TLE1: variants seen among roughly 807,000 people sequenced by gnomAD.
The protein encoded by TLE1 is transducin-like enhancer protein 1.
Under a neutral mutation model 89.8 loss-of-function variants are expected in TLE1, and 21 were observed. The observed-to-expected ratio is 0.23, with a 90% confidence interval of 0.17 to 0.34. The LOEUF (loss-of-function observed/expected upper bound fraction) is 0.34. TLE1 is among the 10% of genes least tolerant of loss of function. The pLI, the probability that TLE1 is intolerant of heterozygous loss-of-function variation, is 1.00. For missense variants in TLE1, 795 were observed against 1,031.2 expected, an observed-to-expected ratio of 0.77 and a Z score of 3.14; for synonymous variants, 447 against 407.6, an observed-to-expected ratio of 1.10 and a Z score of -1.16.
Position 81,616,667 on chromosome 9 carries a change from T to G in TLE1, c.744A>C (p.Leu248Phe). 1 of 1,614,118 alleles carries G rather than the reference T, an allele frequency of 6.2e-7. No individual in the cohort carries two copies. The highest frequency in any genetic ancestry group is 8.5e-7 in the Non-Finnish European group (1 of 1,180,008). The change falls in exon 10 of 20, where the codon TTA becomes TTC. Residue 248 changes from leucine to phenylalanine, a missense_variant. Leu to Phe is a conservative substitution (Grantham distance 22, BLOSUM62 0). Transcript: ENST00000376499. The part of the protein sequence containing the change: ...DSDGDKSDDN[L>F]VVDVSNEDPS... The stretch of plus-strand genomic sequence containing the variant: ...TTACCTCATTAGACACATCCACAAC[T>G]AAGTTGTCATCGCTTTTGTCACCAT...
chr9:81,621,971 C>CCG (rs761180829), intron 8 of TLE1, among the ~76,000 whole-genome samples: 13 of 152,186 alleles, frequency 8.5e-5, no homozygotes, highest in Non-Finnish European at 1.5e-4. Flanking sequence ...TAGAGAAGCT[C>CCG]TAAGTAATGT....
intron 8 of TLE1, among the ~76,000 whole-genome samples, chr9:81,631,624 T>C (rs573759463): frequency 6.6e-6 from 1 of 152,206 alleles, no homozygotes; most frequent in Admixed American, 6.5e-5. Context: ...TCAATGAACA[T>C]AGCCATTTAA....
intron 4 of TLE1, among the ~76,000 whole-genome samples, chr9:81,655,628 C>T (rs759165064): frequency 1.3e-5 from 2 of 152,016 alleles, no homozygotes; most frequent in Non-Finnish European, 2.9e-5. Flanking sequence ...CTTGACCTTA[C>T]TTATTTCATC....
At chr9:81,686,296 T>C (rs1352551817) in intron 2 of TLE1, among the ~76,000 whole-genome samples, 1 of 152,246 alleles carries the variant, frequency 6.6e-6, no homozygotes, top group Non-Finnish European at 1.5e-5. Context: ...TCAAACGGTC[T>C]CTAGGTTTGA....
At chr9:81,592,079 C>T (rs889766650) in intron 15 of TLE1, among the ~76,000 whole-genome samples, 1 of 152,206 alleles carries the variant, frequency 6.6e-6, no homozygotes, top group Non-Finnish European at 1.5e-5. Flanking sequence ...CGGAACATGG[C>T]CGGGCGCGGT....
chr9:81,671,373 A>C (rs1390853009), intron 4 of TLE1, among the ~76,000 whole-genome samples: 1 of 151,958 alleles, frequency 6.6e-6, no homozygotes, highest in Non-Finnish European at 1.5e-5. Context: ...AAGGCCGGGC[A>C]TGGTGGCTCA....
rs964219145 is a variant in TLE1 at position 81,616,804 on chromosome 9, C to T, written c.712-105G>A. 8.7e-6 allele frequency: 11 copies of T among 1,261,924 alleles called. No homozygotes were observed. The African/African-American group carries it at 1.0e-4, about 12-fold the overall frequency. 78.2% of individuals were successfully genotyped at this position (1,261,924 alleles called of 1,614,324 possible). ...CCTGGTAGCAGACAGACTAAAAAAA[C>T]TACCTGGGACAGGCCTGCAGGCTCT... On this transcript the variant is annotated intron_variant, in intron 9 of 19. Transcript: ENST00000376499.
In TLE1 at chr9:81,593,029, C is replaced by T; in HGVS notation, c.1577G>A (p.Cys526Tyr). The stretch of plus-strand genomic sequence containing the variant: ...CACCAGTTCCTGTTCACTCACCAGA[C>T]AGTCGAGCTGGGAGACAGGGCTCTT... ...GNKSPVSQLD[C>Y]LNRDNYIRSC... Residue 526 changes from cysteine (C) to tyrosine (Y), a missense_variant, in exon 15 of 20, where the codon TGT becomes TAT. Physicochemically the swap from Cys to Tyr is radical, Grantham distance 194 (BLOSUM62 -2). Around this residue, in one of 4 missense-constraint regions of TLE1, gnomAD observed 214 missense variants for 354.9 expected, o/e 0.60. Coordinates refer to ENST00000376499, the MANE Select transcript of TLE1 (RefSeq NM_005077.5). 6.2e-7 allele frequency: 1 copy of T among 1,612,356 alleles called. No homozygotes were observed.
intron 4 of TLE1, 28 bp from the exon 5 acceptor site, chr9:81,654,064 T>C (rs752772343): frequency 1.2e-6 from 2 of 1,610,680 alleles, no homozygotes; most frequent in Non-Finnish European, 1.7e-6. Context: ...CACAAATGTT[T>C]AGAATACTTC....
chr9:81,596,332 G>C (rs1302364862), intron 14 of TLE1, among the ~76,000 whole-genome samples: 6 of 152,150 alleles, frequency 3.9e-5, no homozygotes, highest in African/African-American at 1.2e-4. Flanking sequence ...TCAGTCACAG[G>C]GGGCCTCGCA....
chr9:81,682,043 C>T lies in TLE1; in HGVS notation c.234+3633G>A, dbSNP rs1394641735. On this transcript the variant is annotated intron_variant, in intron 4 of 19. Transcript: ENST00000376499. ...GGTGGATCACTTGAGGTCAGGAGTT[C>T]GAAACCAGCCTGCGAACATGGGTGA... 5.3e-5 allele frequency among the ~76,000 whole-genome samples: 8 copies of T among 151,778 alleles called. No homozygotes were observed. In the South Asian group the frequency reaches 6.2e-4, roughly 12 times the overall value.
chr9:81,665,648 C>G (rs1054481807), intron 4 of TLE1, among the ~76,000 whole-genome samples: 1 of 152,172 alleles, frequency 6.6e-6, no homozygotes, highest in South Asian at 2.1e-4. Context: ...ATCTTCGCAG[C>G]AGCTCTCAGC....
intron 4 of TLE1, among the ~76,000 whole-genome samples, chr9:81,675,984 C>T (rs1278364144): frequency 6.6e-6 from 1 of 152,074 alleles, no homozygotes; most frequent in Non-Finnish European, 1.5e-5. Flanking sequence ...CGGGCGTGAG[C>T]CACCACACCA....
intron 14 of TLE1, among the ~76,000 whole-genome samples, chr9:81,595,294 C>T (rs7860431): frequency 0.33 from 49,859 of 152,038 alleles, 9,316 homozygotes; most frequent in South Asian, 0.46. Flanking sequence ...TTATGGGATA[C>T]TTGGAGTCAT....
At position 81,689,516 on chromosome 9, in the gene TLE1, C is replaced by A. The variant is rs1564097891; in HGVS notation, c.-1276G>T. Among the ~76,000 whole-genome samples the A allele has an allele frequency of 6.6e-6, 1 of 152,184 alleles. No homozygotes were observed. Among genetic ancestry groups the A allele is most frequent in the African/African-American group, 2.4e-5 (1 of 41,458 alleles). On this transcript the variant is annotated 5_prime_UTR_variant, in exon 1 of 20. Coordinates refer to ENST00000376499, the MANE Select transcript of TLE1 (RefSeq NM_005077.5). ...TCTGCAGCCGCCGCTCCCACCGCCG[C>A]CGCCGCCCGCGCCTCTCGCGCCGCT... is the stretch of plus-strand genomic sequence containing the variant.
At chr9:81,604,537 G>A (rs1185666145) in intron 14 of TLE1, among the ~76,000 whole-genome samples, 1 of 152,214 alleles carries the variant, frequency 6.6e-6, no homozygotes, top group Non-Finnish European at 1.5e-5. Context: ...CAGGGAGACA[G>A]ATTCAGCTCA....
At chr9:81,621,996 T>C (rs911147828) in intron 8 of TLE1, among the ~76,000 whole-genome samples, 3 of 152,132 alleles carry the variant, frequency 2.0e-5, no homozygotes, top group African/African-American at 7.2e-5. Flanking sequence ...ACCACAGTGT[T>C]TGGGGATGAA....
At chr9:81,662,361 T>TTTTGTGTG (rs1290826547) in intron 4 of TLE1, among the ~76,000 whole-genome samples, 11 of 138,470 alleles carry the variant, frequency 7.9e-5, no homozygotes, top group East Asian at 2.2e-4. Flanking sequence ...TGTGCCTGTT[T>TTTTGTGTG]TGTGTGTGTG....
intron 4 of TLE1, among the ~76,000 whole-genome samples, chr9:81,671,123 A>G (rs917949996): frequency 2.6e-5 from 4 of 152,200 alleles, no homozygotes; most frequent in Admixed American, 6.5e-5. Context: ...AACTGAGATC[A>G]CGCCACTGCA....
Sources: allele counts gnomAD v4.1 joint callset (sites outside exome capture counted in the v4.1 genomes callset), GRCh38; gene constraint gnomAD v4.1.1; regional missense constraint gnomAD v4.1.1; transcripts MANE v1.5; gene names NCBI Gene and HGNC (gene_info 2026-07-23, HGNC 2026-07-21).